The following ADAMTS16 variants were observed in gnomAD, a reference collection of about 807,000 sequenced individuals.
The protein encoded by ADAMTS16 is ADAM metallopeptidase with thrombospondin type 1 motif 16.
A neutral mutation model predicts 145.8 loss-of-function variants in ADAMTS16; 94 were observed. The ratio of observed to expected loss-of-function variants is 0.64; its 90% CI spans 0.55 to 0.77. The LOEUF (loss-of-function observed/expected upper bound fraction) is 0.77, where lower values mean the gene tolerates loss of function less well. Ranked by LOEUF, ADAMTS16 falls within the 30% of genes least tolerant of loss-of-function variation. ADAMTS16 has a pLI of 0.00. For missense variants in ADAMTS16, 1,585 were observed against 1,591.5 expected (o/e 1.00, Z 0.07); for synonymous variants, 659 against 604.3 (o/e 1.09, Z -1.33).
chr5:5,207,284 T>G (rs1736154202), intron 9 of ADAMTS16, among the ~76,000 whole-genome samples: 1 of 152,216 alleles, frequency 6.6e-6, no homozygotes, highest in South Asian at 2.1e-4. Context: ...TTATATCTGT[T>G]TCATTTTTGG....
chr5:5,285,420 GT>G (rs1436404246), intron 18 of ADAMTS16, among the ~76,000 whole-genome samples: 2 of 152,200 alleles, frequency 1.3e-5, no homozygotes, highest in Non-Finnish European at 2.9e-5. Context: ...GTCTCACAAT[GT>G]TCCAAACTCG....
chr5:5,202,829 C>T (rs942496800), intron 9 of ADAMTS16, among the ~76,000 whole-genome samples: 1 of 152,078 alleles, frequency 6.6e-6, no homozygotes, highest in East Asian at 1.9e-4. Context: ...TTATTAAAGT[C>T]CAAAAAAAGT....
chr5:5,145,919 A>G (rs940927729), intron 2 of ADAMTS16, among the ~76,000 whole-genome samples: 1 of 152,124 alleles, frequency 6.6e-6, no homozygotes, highest in Admixed American at 6.5e-5. Context: ...GTAATAGCAC[A>G]TTATGGGGCC....
chr5:5,193,892 G>A (rs888940493), intron 8 of ADAMTS16, among the ~76,000 whole-genome samples: 1 of 152,132 alleles, frequency 6.6e-6, no homozygotes, highest in Non-Finnish European at 1.5e-5. Context: ...CTTGAGCCCA[G>A]GAGTTCAAGA....
intron 3 of ADAMTS16, among the ~76,000 whole-genome samples, chr5:5,161,263 C>A (rs755986017): frequency 1.3e-5 from 2 of 152,176 alleles, no homozygotes; most frequent in Non-Finnish European, 2.9e-5. Flanking sequence ...TTAGATTTCA[C>A]CTTCATCTTC....
At chr5:5,240,471 T>C (rs1185320850) in intron 16 of ADAMTS16, among the ~76,000 whole-genome samples, 1 of 152,210 alleles carries the variant, frequency 6.6e-6, no homozygotes. Context: ...TCACAAAATA[T>C]AGTCAGATTC....
intron 3 of ADAMTS16, among the ~76,000 whole-genome samples, chr5:5,149,707 A>G (rs1277248217): frequency 1.3e-5 from 2 of 152,202 alleles, no homozygotes. Flanking sequence ...ATAAACCCTT[A>G]TGGGCAGTTC....
chr5:5,185,581 A>T (rs932329531), intron 4 of ADAMTS16, among the ~76,000 whole-genome samples: 4 of 152,230 alleles, frequency 2.6e-5, no homozygotes, highest in Non-Finnish European at 2.9e-5. Context: ...CAAGCTAGTT[A>T]TGTGTCCAGA....
intron 18 of ADAMTS16, among the ~76,000 whole-genome samples, chr5:5,293,597 C>A (rs1412568851): frequency 1.3e-5 from 2 of 152,144 alleles, no homozygotes; most frequent in Non-Finnish European, 2.9e-5. Flanking sequence ...GCTTCTCTGT[C>A]CTGAGATCGG....
intron 17 of ADAMTS16, among the ~76,000 whole-genome samples, chr5:5,250,223 C>T (rs1737579508): frequency 6.6e-6 from 1 of 152,150 alleles, no homozygotes; most frequent in African/African-American, 2.4e-5. Context: ...CCATCTTCTA[C>T]CCAGTATTTC....
chr5:5,191,840 G>T, intron 8 of ADAMTS16, 50 bp downstream of exon 8: 4 of 1,380,176 alleles, frequency 2.9e-6, no homozygotes, highest in Non-Finnish European at 4.1e-6. Context: ...TTCCTTACTG[G>T]ATGATTTCCA....
At chr5:5,211,688 G>C (rs972046120) in intron 10 of ADAMTS16, among the ~76,000 whole-genome samples, 1 of 151,976 alleles carries the variant, frequency 6.6e-6, no homozygotes, top group Admixed American at 6.5e-5. Context: ...AATATATTTA[G>C]AGCTATTAAT....
chr5:5,274,761 T>C (rs543913076), intron 18 of ADAMTS16, among the ~76,000 whole-genome samples: 2 of 152,150 alleles, frequency 1.3e-5, no homozygotes, highest in South Asian at 4.2e-4. Flanking sequence ...CACATATATG[T>C]ATATCATCCA....
chr5:5,142,161 T>C (rs1734186201), intron 2 of ADAMTS16: 1 of 152,062 alleles, frequency 6.6e-6, no homozygotes, highest in Non-Finnish European at 1.5e-5. Context: ...TGAAGTTTTA[T>C]TTAAGATAAA....
At chr5:5,265,444 TCATAGAA>T (rs1579356588) in intron 18 of ADAMTS16, among the ~76,000 whole-genome samples, 1 of 152,038 alleles carries the variant, frequency 6.6e-6, no homozygotes, top group East Asian at 1.9e-4. Context: ...CAACTGGCGG[TCATAGAA>T]GTGAGGCTCC....
At chr5:5,173,302 C>T (rs1735097723) in intron 3 of ADAMTS16, among the ~76,000 whole-genome samples, 1 of 149,248 alleles carries the variant, frequency 6.7e-6, no homozygotes, top group African/African-American at 2.5e-5. Context: ...CATTTGTTTT[C>T]TGGGGTTTTT....
chr5:5,247,867 C>T (rs867835776), intron 17 of ADAMTS16, among the ~76,000 whole-genome samples: 1 of 152,212 alleles, frequency 6.6e-6, no homozygotes, highest in African/African-American at 2.4e-5. Flanking sequence ...CCTCCAAGCT[C>T]TAGTAAATGT....
intron 3 of ADAMTS16, among the ~76,000 whole-genome samples, chr5:5,159,012 T>G (rs1734676301): frequency 6.6e-6 from 1 of 152,358 alleles, no homozygotes; most frequent in Admixed American, 6.5e-5. Flanking sequence ...AGGCTGGCGC[T>G]TCTCGTAAAA....
At chr5:5,162,086 C>T (rs987386072) in intron 3 of ADAMTS16, among the ~76,000 whole-genome samples, 4 of 152,096 alleles carry the variant, frequency 2.6e-5, no homozygotes, top group East Asian at 1.9e-4. Flanking sequence ...TGCTTTATTA[C>T]GATAGACGTA....
Sources: gnomAD v4.1 joint callset for allele counts (sites outside exome capture counted in the v4.1 genomes callset) on GRCh38, gnomAD v4.1.1 for gene constraint, MANE v1.5 for transcripts, NCBI Gene and HGNC (gene_info 2026-07-23, HGNC 2026-07-21) for gene names.